The following PLD5 variants were observed in gnomAD, a reference collection of about 807,000 sequenced individuals.
PLD5 encodes inactive phospholipase D5.
In PLD5, 36 loss-of-function variants were observed where a neutral mutation model predicts 61.1. The ratio of observed to expected loss-of-function variants is 0.59; its 90% CI spans 0.45 to 0.78. The LOEUF is 0.78. Ranked by LOEUF, PLD5 falls within the 30% of genes least tolerant of loss-of-function variation. PLD5 has a pLI of 0.00. For synonymous variants in PLD5, 243 were observed against 242.8 expected, an observed-to-expected ratio of 1.00 and a Z score of -0.01; for missense variants, 515 against 644.4, an observed-to-expected ratio of 0.80 and a Z score of 2.17.
At chr1:242,398,548 T>C (rs2149275731) in intron 1 of PLD5, among the ~76,000 whole-genome samples, 1 of 152,330 alleles carries the variant, frequency 6.6e-6, no homozygotes, top group African/African-American at 2.4e-5. Context: ...AATTTGGCTA[T>C]TGTTTGTGCA....
chr1:242,383,572 T>A (rs1460757879), intron 1 of PLD5, among the ~76,000 whole-genome samples: 2 of 152,048 alleles, frequency 1.3e-5, no homozygotes, highest in African/African-American at 4.8e-5. Context: ...AGCTTCTGCC[T>A]AAGCTTTTGT....
At chr1:242,499,247 G>C (rs74150736) in intron 1 of PLD5, among the ~76,000 whole-genome samples, 3,147 of 152,236 alleles carry the variant, frequency 0.021, 107 homozygotes, top group African/African-American at 0.073. Context: ...TAAGGGAAAA[G>C]TTTGGACATA....
intron 4 of PLD5, among the ~76,000 whole-genome samples, chr1:242,252,976 C>A (rs1672791881): frequency 6.6e-6 from 1 of 151,876 alleles, no homozygotes; most frequent in African/African-American, 2.4e-5. Flanking sequence ...ACCACCAAGC[C>A]CGGCTAATTT....
intron 1 of PLD5, among the ~76,000 whole-genome samples, chr1:242,511,256 A>G (rs74150745): frequency 0.017 from 2,660 of 152,308 alleles, 81 homozygotes; most frequent in African/African-American, 0.062. Context: ...GATATAAATA[A>G]AGGTTTGAAT....
chr1:242,374,604 A>G (rs1435113578), intron 1 of PLD5, among the ~76,000 whole-genome samples: 2 of 152,146 alleles, frequency 1.3e-5, no homozygotes, highest in African/African-American at 4.8e-5. Context: ...TTCTGTGTAA[A>G]AACTGGCCAT....
intron 2 of PLD5, among the ~76,000 whole-genome samples, chr1:242,304,405 TA>T (rs1235529416): frequency 2.6e-5 from 4 of 152,230 alleles, no homozygotes; most frequent in Non-Finnish European, 1.5e-5. Context: ...TCCAGAGGTT[TA>T]AAATAGTTTT....
At chr1:242,329,065 G>A (rs1659008356) in intron 2 of PLD5, among the ~76,000 whole-genome samples, 1 of 151,856 alleles carries the variant, frequency 6.6e-6, no homozygotes, top group South Asian at 2.1e-4. Flanking sequence ...GTGGAGTGCA[G>A]TGGTGTGATC....
At chr1:242,098,003 A>T (rs1660382079) in intron 9 of PLD5, among the ~76,000 whole-genome samples, 1 of 152,196 alleles carries the variant, frequency 6.6e-6, no homozygotes, top group South Asian at 2.1e-4. Context: ...TTAAATAGGG[A>T]ATCCTTTCCC....
chr1:242,493,308 G>A lies in PLD5; in HGVS notation c.189+30780C>T, dbSNP rs902364892. Among the ~76,000 whole-genome samples the A allele has an allele frequency of 3.3e-5, 5 of 152,272 alleles. No homozygotes were observed. In the East Asian group the frequency reaches 7.8e-4, roughly 24 times the overall value. On this transcript the variant is annotated intron_variant, in intron 1 of 9. Transcript: ENST00000536534. ...AAGAAAAAACTGGGAAACCCCACAAGATGAAGGGGTTGGCCCACAAGCTGG... is the reference window on the plus strand; with the variant it reads ...AAGAAAAAACTGGGAAACCCCACAAAATGAAGGGGTTGGCCCACAAGCTGG...
intron 5 of PLD5, among the ~76,000 whole-genome samples, chr1:242,163,142 C>CTTTTT (rs1484018271): frequency 5.3e-5 from 7 of 131,194 alleles, no homozygotes; most frequent in African/African-American, 1.4e-4. Context: ...ATTTTCTTTT[C>CTTTTT]TTTTCTTTCT....
At chr1:242,315,152 C>T (rs1390283859) in intron 2 of PLD5, among the ~76,000 whole-genome samples, 2 of 152,122 alleles carry the variant, frequency 1.3e-5, no homozygotes, top group Non-Finnish European at 2.9e-5. Flanking sequence ...TTAGCCTCTG[C>T]AGTGGGGAAT....
chr1:242,396,673 C>CTT (rs1202041198), intron 1 of PLD5, among the ~76,000 whole-genome samples: 61 of 129,542 alleles, frequency 4.7e-4, no homozygotes, highest in African/African-American at 8.5e-4. Flanking sequence ...CTTTTCTTTT[C>CTT]TTTTTTTTTT....
chr1:242,140,705 G>A (rs1664097153), intron 5 of PLD5, among the ~76,000 whole-genome samples: 1 of 152,070 alleles, frequency 6.6e-6, no homozygotes, highest in South Asian at 2.1e-4. Context: ...CCACCATGGG[G>A]CCAACTGAGA....
At chr1:242,197,747 G>A (rs568723310) in intron 5 of PLD5, among the ~76,000 whole-genome samples, 4 of 150,716 alleles carry the variant, frequency 2.7e-5, no homozygotes, top group East Asian at 3.9e-4. Context: ...CAATTCTCCC[G>A]CCTCAGCCTC....
intron 1 of PLD5, among the ~76,000 whole-genome samples, chr1:242,368,576 G>A (rs980748443): frequency 6.6e-6 from 1 of 152,246 alleles, no homozygotes; most frequent in Non-Finnish European, 1.5e-5. Context: ...AACCAGTTAG[G>A]ACCAGGTGTG....
intron 1 of PLD5, among the ~76,000 whole-genome samples, chr1:242,494,859 C>T (rs1668311396): frequency 6.9e-6 from 1 of 145,554 alleles, no homozygotes; most frequent in South Asian, 2.2e-4. Context: ...TGACACAACC[C>T]CCAATTTTTT....
chr1:242,185,277 G>C (rs1320692194), intron 5 of PLD5, among the ~76,000 whole-genome samples: 1 of 151,976 alleles, frequency 6.6e-6, no homozygotes, highest in Admixed American at 6.6e-5. Context: ...CACAGGCCAG[G>C]GTGCTTCCAA....
chr1:242,131,577 C>T (rs374345356), intron 5 of PLD5, among the ~76,000 whole-genome samples: 11 of 152,132 alleles, frequency 7.2e-5, no homozygotes, highest in African/African-American at 2.2e-4. Context: ...GTAAGAAAAC[C>T]GAGGTACAAA....
rs1043946208 is a variant in PLD5 at position 242,128,636 on chromosome 1, T to C, written c.736-3971A>G. On this transcript the variant is annotated intron_variant, in intron 5 of 9. Transcript: ENST00000536534. ...TCTTCAATATGATAGGATGTGATTATTCTGGATAACTATTATTTTGAAAAC... is the reference window on the plus strand; with the variant it reads ...TCTTCAATATGATAGGATGTGATTACTCTGGATAACTATTATTTTGAAAAC... Among the ~76,000 whole-genome samples the C allele has an allele frequency of 1.1e-4, 16 of 152,342 alleles. No individual in the cohort carries two copies. The East Asian group carries it at 1.3e-3, about 13-fold the overall frequency.
Sources: gnomAD v4.1 joint callset for allele counts (sites outside exome capture counted in the v4.1 genomes callset) on GRCh38, gnomAD v4.1.1 for gene constraint, MANE v1.5 for transcripts, NCBI Gene and HGNC (gene_info 2026-07-23, HGNC 2026-07-21) for gene names.